Variants in FBXL22 observed in about 807,000 individuals in gnomAD.
FBXL22 encodes the protein F-box and leucine-rich protein 22.
In FBXL22, 13 loss-of-function variants were observed where a neutral mutation model predicts 11.7. That is an observed-to-expected ratio of 1.11 (90% CI 0.73 to 1.77). The LOEUF (loss-of-function observed/expected upper bound fraction) is 1.77. FBXL22 is among the 40% of genes most tolerant of loss of function. The pLI is 0.00. For missense variants in FBXL22, 406 were observed against 320.4 expected (o/e 1.27, Z -2.04); for synonymous variants, 160 against 144.1 (o/e 1.11, Z -0.79).
chr15:63,601,686 AC>A, downstream of FBXL22: 1 of 1,604,038 alleles, frequency 6.2e-7, no homozygotes, highest in Non-Finnish European at 8.5e-7. Context: ...TCCCGCAGTG[AC>A]CGCACTCGCG....
rs1262551850 is a variant in FBXL22, at chr15:63,597,680, C to T, written c.288C>T (p.Phe96=). 1.2e-6 allele frequency: 2 copies of T among 1,603,524 alleles called. No homozygotes were observed. The highest frequency in any genetic ancestry group is 1.7e-6 in the Non-Finnish European group (2 of 1,172,484). ...TTGAGGACTGGCTCAAGAGTGCCTT[C>T]CAGAGAAGCATCTGCAGCCGGCACG... ...CSIEDWLKSA[F]QRSICSRHES... is the part of the protein sequence containing the mutation. The change falls in exon 1 of 2, where the codon TTC becomes TTT. Residue 96 remains phenylalanine, a synonymous_variant. Transcript: ENST00000638704. This position sits in a 1 kb window ranked among gnomAD's most constrained non-coding sequence, Gnocchi z 4.3.
At chr15:63,598,463 A>G (rs1346382619) in intron 1 of FBXL22, among the ~76,000 whole-genome samples, 1 of 152,178 alleles carries the variant, frequency 6.6e-6, no homozygotes. Context: ...CACCCCAGAC[A>G]CAGACATAGA....
chr15:63,606,110 G>A (rs745381475), downstream of FBXL22, among the ~76,000 whole-genome samples: 2 of 152,168 alleles, frequency 1.3e-5, no homozygotes, highest in African/African-American at 2.4e-5. Context: ...AGTTCTAGTC[G>A]GGGCACACCT....
intron 1 of FBXL22, chr15:63,600,059 G>A: frequency 1.7e-5 from 17 of 985,760 alleles, no homozygotes; most frequent in Non-Finnish European, 2.0e-5. Context: ...GGGTGTCCGT[G>A]ACTGTACCTG....
the FBXL22 span, among the ~76,000 whole-genome samples, chr15:63,607,742 A>G: frequency 1.3e-5 from 2 of 152,220 alleles, no homozygotes; most frequent in Non-Finnish European, 2.9e-5. Flanking sequence ...CTGTCGGCAA[A>G]GACCCTGTCC....
chr15:63,607,097 G>A (rs1056391742), downstream of FBXL22, among the ~76,000 whole-genome samples: 1 of 150,330 alleles, frequency 6.7e-6, no homozygotes. Flanking sequence ...CCAGGCTAGA[G>A]TGCAGTGGCG....
downstream of FBXL22, among the ~76,000 whole-genome samples, chr15:63,602,805 G>A (rs563398257): frequency 3.3e-5 from 5 of 152,160 alleles, no homozygotes; most frequent in African/African-American, 9.6e-5. Flanking sequence ...CAGAGGCCGC[G>A]GACTACAGGC....
intron 1 of FBXL22, chr15:63,599,690 C>G (rs1034337048): frequency 1.0e-6 from 1 of 986,866 alleles, no homozygotes; most frequent in Non-Finnish European, 1.2e-6. Flanking sequence ...AGTCACGGAG[C>G]TGCGGGGGAG....
At chr15:63,601,434 G>A (rs776062441), downstream of FBXL22, 3 of 1,581,610 alleles carry the variant, frequency 1.9e-6, no homozygotes, top group African/African-American at 2.7e-5. Context: ...CGGGGGTGAC[G>A]GGGGCCAGGG....
At chr15:63,607,610 A>G in the FBXL22 span, among the ~76,000 whole-genome samples, 1 of 152,218 alleles carries the variant, frequency 6.6e-6, no homozygotes, top group Non-Finnish European at 1.5e-5. Flanking sequence ...CATTTACCAC[A>G]TTATCTTAGC....
chr15:63,604,829 C>T (rs539294077), downstream of FBXL22, among the ~76,000 whole-genome samples: 7 of 152,152 alleles, frequency 4.6e-5, no homozygotes, highest in South Asian at 2.1e-4. Flanking sequence ...CCAAGGCGGG[C>T]GGATCACCTG....
At chr15:63,601,610 C>T (rs751422668), downstream of FBXL22, 8 of 1,594,584 alleles carry the variant, frequency 5.0e-6, no homozygotes, top group South Asian at 9.0e-5. Flanking sequence ...AGCCACCGAG[C>T]CGCTCCTCCT....
downstream of FBXL22, among the ~76,000 whole-genome samples, chr15:63,604,095 C>T (rs935353916): frequency 6.6e-6 from 1 of 152,168 alleles, no homozygotes; most frequent in African/African-American, 2.4e-5. Flanking sequence ...TGGACAACAA[C>T]AGGATCCTGG....
rs934886538 is a variant in FBXL22, at chr15:63,599,590, C to T, written c.354-1107C>T. On this transcript the variant is annotated intron_variant, in intron 1 of 1. Coordinates refer to ENST00000638704, the MANE Select transcript of FBXL22 (RefSeq NM_001367807.1). Reference sequence around the variant, plus strand: ...CACACAAACCTGAAGGAGGCCCGGGCTCGGTGTGACACCTGGCTGCACCCA... The same window carrying T: ...CACACAAACCTGAAGGAGGCCCGGGTTCGGTGTGACACCTGGCTGCACCCA... 4 of 1,014,384 alleles carry T rather than the reference C, an allele frequency of 3.9e-6. No homozygotes were observed. In the Middle Eastern group the frequency reaches 1.4e-3, roughly 363 times the overall value. 62.8% of individuals were successfully genotyped at this position (1,014,384 alleles called of 1,614,324 possible). A position where few individuals can be genotyped will look rare whatever the true frequency, so the allele number is the denominator to read the frequency against.
downstream of FBXL22, among the ~76,000 whole-genome samples, chr15:63,607,387 C>T (rs572276829): frequency 3.3e-4 from 50 of 152,314 alleles, no homozygotes; most frequent in African/African-American, 1.1e-3. Context: ...CTTCCCACCC[C>T]GAGCAGGAGG....
downstream of FBXL22, chr15:63,601,244 C>G (rs967627591): frequency 4.3e-5 from 65 of 1,510,944 alleles, no homozygotes; most frequent in Middle Eastern, 1.4e-3. Flanking sequence ...GGAAAACACT[C>G]GGCTGGTTCT....
At chr15:63,601,736 TA>T, downstream of FBXL22, 1 of 1,561,758 alleles carries the variant, frequency 6.4e-7, no homozygotes, top group Non-Finnish European at 8.7e-7. Flanking sequence ...AATGCTTACA[TA>T]AACTGCATAG....
At chr15:63,605,928 A>G (rs140233931), downstream of FBXL22, among the ~76,000 whole-genome samples, 1 of 152,336 alleles carries the variant, frequency 6.6e-6, no homozygotes, top group East Asian at 1.9e-4. Context: ...CTCTTAGGTC[A>G]GGGTTCCAGA....
rs955357113 is a variant in FBXL22 at position 63,600,843 on chromosome 15, T to A, written c.500T>A (p.Val167Glu). Residue 167 changes from valine (V) to glutamate (E), a missense_variant, in exon 2 of 2, where the codon GTG (valine) becomes GAG (glutamate). By Grantham distance (121) the Val-to-Glu change is moderately radical (BLOSUM62 -2). Transcript: ENST00000638704. ...ARVTNRTLAA[V>E]AADGRALQTL... ...GTCACCAACCGCACGTTGGCTGCCG[T>A]GGCGGCGGACGGGCGCGCGCTGCAG... The A allele has an allele frequency of 5.7e-6, 7 of 1,230,182 alleles. No individual in the cohort carries two copies. The highest frequency in any genetic ancestry group is 8.2e-5 in the South Asian group (2 of 24,306). The allele number at this position is 1,230,182 out of a possible 1,614,324, so 76.2% of individuals were successfully genotyped here. A position where few individuals can be genotyped will look rare whatever the true frequency, so the allele number is the denominator to read the frequency against.
Sources: gnomAD v4.1 joint callset for allele counts (sites outside exome capture counted in the v4.1 genomes callset) on GRCh38, gnomAD v4.1.1 for gene constraint, Gnocchi (gnomAD v3.1) non-coding constraint, MANE v1.5 for transcripts, NCBI Gene and HGNC (gene_info 2026-07-23, HGNC 2026-07-21) for gene names.